RETREG3: variants seen among roughly 807,000 people sequenced by gnomAD.
The protein encoded by RETREG3 is reticulophagy regulator family member 3.
A neutral mutation model predicts 50.2 loss-of-function variants in RETREG3; 23 were observed. The observed-to-expected ratio is 0.46, with a 90% CI of 0.33 to 0.65. The LOEUF (loss-of-function observed/expected upper bound fraction) is 0.65. Ranked by LOEUF, RETREG3 falls within the 30% of genes least tolerant of loss-of-function variation. The probability of loss-of-function intolerance (pLI) is 0.02; values close to 1 mark genes in which losing one functional copy is unlikely to be tolerated. For missense variants in RETREG3, 546 were observed against 598.0 expected (o/e 0.91, Z 0.91); for synonymous variants, 240 against 234.4 (o/e 1.02, Z -0.22).
chr17:42,586,488 A>T, intron 4 of RETREG3: 2 of 415,542 alleles, frequency 4.8e-6, no homozygotes, highest in Non-Finnish European at 8.7e-6. Flanking sequence ...CACATATTTA[A>T]TATGACACAG....
intron 1 of RETREG3, among the ~76,000 whole-genome samples, chr17:42,596,939 C>T (rs897127073): frequency 1.0e-4 from 15 of 149,822 alleles, no homozygotes; most frequent in Non-Finnish European, 4.4e-5. Flanking sequence ...ATGGCGCCAT[C>T]TTGGCTCACT....
chr17:42,603,350 T>A (rs2093161852), intron 1 of RETREG3, among the ~76,000 whole-genome samples: 1 of 152,190 alleles, frequency 6.6e-6, no homozygotes, highest in South Asian at 2.1e-4. Flanking sequence ...AAACAAAGCA[T>A]CCCATTCTAC....
chr17:42,592,552 C>T (rs2143394591), intron 1 of RETREG3, among the ~76,000 whole-genome samples: 1 of 152,226 alleles, frequency 6.6e-6, no homozygotes, highest in Admixed American at 6.5e-5. Flanking sequence ...GAGATGCACT[C>T]AAGAGCATTT....
At chr17:42,597,449 A>C (rs1387233000) in intron 1 of RETREG3, among the ~76,000 whole-genome samples, 2 of 148,858 alleles carry the variant, frequency 1.3e-5, no homozygotes, top group East Asian at 3.9e-4. Flanking sequence ...GGCATCCCAA[A>C]GTGCTGGGAT....
At chr17:42,608,985 G>A in intron 1 of RETREG3, 101 bp downstream of exon 1, 2 of 1,212,242 alleles carry the variant, frequency 1.6e-6, no homozygotes, top group Non-Finnish European at 1.1e-6. Flanking sequence ...GTACAGGAAG[G>A]AGCCAGTGCA....
chr17:42,599,830 T>C (rs1176111304), intron 1 of RETREG3, among the ~76,000 whole-genome samples: 2 of 151,692 alleles, frequency 1.3e-5, no homozygotes, highest in African/African-American at 4.8e-5. Context: ...CCGTCTCTAC[T>C]AAAAATACAA....
intron 1 of RETREG3, among the ~76,000 whole-genome samples, chr17:42,601,609 T>A (rs376001483): frequency 1.5e-5 from 2 of 133,016 alleles, no homozygotes; most frequent in African/African-American, 5.6e-5. Context: ...AAACGAAAAA[T>A]AAACTAAGAA....
chr17:42,587,130 T>G (rs1362471658), intron 3 of RETREG3, among the ~76,000 whole-genome samples: 1 of 152,148 alleles, frequency 6.6e-6, no homozygotes, highest in African/African-American at 2.4e-5. Context: ...CCAATCCACG[T>G]GTGTAAACCT....
intron 1 of RETREG3, among the ~76,000 whole-genome samples, chr17:42,606,879 C>T (rs1293983008): frequency 1.3e-5 from 2 of 152,094 alleles, no homozygotes; most frequent in African/African-American, 4.8e-5. Flanking sequence ...TGCCTGTAAT[C>T]CCAGCTGCTC....
Position 42,581,648 on chromosome 17 carries a change from G to T in RETREG3, c.*165C>A. ...AATGGGCATCCAGCTGGTGGGAGGG[G>T]AGTGAGTGTCCTCTCTAAGGAGGCC... On this transcript the variant is annotated 3_prime_UTR_variant, in exon 9 of 9. Transcript: ENST00000309428. The T allele has an allele frequency of 1.7e-6, 1 of 596,986 alleles. No individual in the cohort carries two copies. The highest frequency in any genetic ancestry group is 2.8e-6 in the Non-Finnish European group (1 of 352,054). The allele number at this position is 596,986 out of a possible 1,614,324, so 37.0% of individuals were successfully genotyped here. A position where few individuals can be genotyped will look rare whatever the true frequency, so the allele number is the denominator to read the frequency against.
intron 1 of RETREG3, chr17:42,596,420 T>C (rs2093145098): frequency 6.6e-6 from 1 of 151,048 alleles, no homozygotes; most frequent in Non-Finnish European, 1.5e-5. Context: ...TGTTTTAGTT[T>C]TTTTCTTATT....
At chr17:42,604,904 C>T (rs1326239230) in intron 1 of RETREG3, among the ~76,000 whole-genome samples, 1 of 151,998 alleles carries the variant, frequency 6.6e-6, no homozygotes, top group African/African-American at 2.4e-5. Context: ...TGCTTGTTGA[C>T]TCTCACATTC....
chr17:42,596,524 A>G (rs1320864871), intron 1 of RETREG3: 1 of 151,594 alleles, frequency 6.6e-6, no homozygotes, highest in African/African-American at 2.4e-5. Context: ...TTTTTCCTCC[A>G]TTCCTTACCC....
intron 7 of RETREG3, 135 bp from the exon 8 acceptor site, chr17:42,582,941 T>C: frequency 8.5e-7 from 1 of 1,172,062 alleles, no homozygotes; most frequent in Admixed American, 2.4e-5. Flanking sequence ...AGATGGTAAC[T>C]TCCCGTTGAA....
intron 1 of RETREG3, among the ~76,000 whole-genome samples, chr17:42,597,524 T>C (rs2093148007): frequency 1.5e-5 from 1 of 67,006 alleles, no homozygotes; most frequent in South Asian, 4.4e-4. Context: ...TGTGTGTGTG[T>C]ATATATATAT....
rs760569752 is a variant in RETREG3, at chr17:42,609,364, C to A, written c.-40G>T. 1 of 1,566,546 alleles carries A rather than the reference C, an allele frequency of 6.4e-7. No individual in the cohort carries two copies. Among genetic ancestry groups the A allele is most frequent in the Admixed American group, 1.8e-5 (1 of 56,196 alleles). ...CACAACATCCGGGGCCGTGGCCCGACAAGTCACAATAACAGCAACTGCGCA... is the reference window on the plus strand; with the variant it reads ...CACAACATCCGGGGCCGTGGCCCGAAAAGTCACAATAACAGCAACTGCGCA... On this transcript the variant is annotated 5_prime_UTR_variant, in exon 1 of 9. Transcript: ENST00000309428.
chr17:42,582,401 C>A (rs371510896), intron 8 of RETREG3, 131 bp from the exon 9 acceptor site: 9 of 908,912 alleles, frequency 9.9e-6, no homozygotes, highest in Non-Finnish European at 3.3e-6. Context: ...GTATACCTTT[C>A]CCCTCCACTT....
At chr17:42,599,494 A>C (rs1193876781) in intron 1 of RETREG3, among the ~76,000 whole-genome samples, 2 of 151,704 alleles carry the variant, frequency 1.3e-5, no homozygotes. Context: ...ATGTCTATTA[A>C]AAATACAAAA....
chr17:42,607,804 C>CT (rs140896347), intron 1 of RETREG3, among the ~76,000 whole-genome samples: 2,336 of 146,184 alleles, frequency 0.016, 69 homozygotes, highest in African/African-American at 0.056. Context: ...GAAACTCTGT[C>CT]TTAAAAAAAA....
Sources: allele counts gnomAD v4.1 joint callset (sites outside exome capture counted in the v4.1 genomes callset), GRCh38; gene constraint gnomAD v4.1.1; transcripts MANE v1.5; gene names NCBI Gene and HGNC (gene_info 2026-07-23, HGNC 2026-07-21).